Variants in SV2B observed in about 807,000 individuals in gnomAD.
SV2B encodes synaptic vesicle glycoprotein 2B, also known as solute carrier family 22 member B2.
A neutral mutation model predicts 73.9 loss-of-function variants in SV2B; 41 were observed. That is an observed-to-expected ratio of 0.56 (90% CI 0.43 to 0.72). The LOEUF (loss-of-function observed/expected upper bound fraction) is 0.72, where lower values mean the gene tolerates loss of function less well. SV2B is among the 30% of genes least tolerant of loss of function. The pLI, the probability that SV2B is intolerant of heterozygous loss-of-function variation, is 0.00. For missense variants in SV2B, 764 were observed against 857.8 expected (o/e 0.89, Z 1.37); for synonymous variants, 314 against 314.2 (o/e 1.00, Z 0.01).
intron 1 of SV2B, among the ~76,000 whole-genome samples, chr15:91,184,714 C>T (rs1302515984): frequency 6.6e-6 from 1 of 152,170 alleles, no homozygotes; most frequent in Non-Finnish European, 1.5e-5. Flanking sequence ...TTCATTTTAT[C>T]ATTGGCATTT....
rs139054791 is a variant in SV2B, at chr15:91,137,609, T to TATATATATTTCATATATAC, written c.-392+37253_-392+37271dup. ...ATTTCTCATATATATATATATTTCA[T>TATATATATTTCATATATAC]ATATATATTTCATATATACATATAT... On this transcript the variant is annotated intron_variant, in intron 1 of 12. Coordinates refer to ENST00000394232, the MANE Select transcript of SV2B (RefSeq NM_001323032.3). This position sits in a 1 kb window ranked among gnomAD's most constrained non-coding sequence, Gnocchi z 4.9. Among the ~76,000 whole-genome samples the TATATATATTTCATATATAC allele has an allele frequency of 0.5, 68,937 of 137,748 alleles. 18,756 individuals are homozygous for TATATATATTTCATATATAC. Among genetic ancestry groups the TATATATATTTCATATATAC allele is most frequent in the East Asian group, 0.91 (4,495 of 4,924 alleles). The allele number at this position is 137,748 out of a possible 152,430, so 90.4% of individuals were successfully genotyped here. A position where few individuals can be genotyped will look rare whatever the true frequency, so the allele number is the denominator to read the frequency against.
At chr15:91,221,923 C>T (rs575504477) in intron 1 of SV2B, among the ~76,000 whole-genome samples, 39 of 152,244 alleles carry the variant, frequency 2.6e-4, no homozygotes, top group Non-Finnish European at 5.3e-4. Context: ...TCAGACTTGA[C>T]TTCTGTTTCC....
intron 1 of SV2B, among the ~76,000 whole-genome samples, chr15:91,135,598 A>G (rs534146942): frequency 1.3e-5 from 2 of 152,342 alleles, no homozygotes; most frequent in South Asian, 4.1e-4. Flanking sequence ...AATGTAAAAC[A>G]GCGTCTGTCT....
At chr15:91,191,240 A>G (rs1255937744) in intron 1 of SV2B, among the ~76,000 whole-genome samples, 1 of 150,900 alleles carries the variant, frequency 6.6e-6, no homozygotes, top group African/African-American at 2.4e-5. Flanking sequence ...TAATTTTTGT[A>G]TTTTTAGTTT....
chr15:91,214,793 G>C lies in SV2B; in HGVS notation c.-391-11080G>C, dbSNP rs565721254. ...TTCCCCAAACAGTTGTGGGGGGTGT[G>C]CTTGACTCCTTAGTCCATGGCTATA... On this transcript the variant is annotated intron_variant, in intron 1 of 12. Coordinates refer to ENST00000394232, the MANE Select transcript of SV2B (RefSeq NM_001323032.3). This position sits in a 1 kb window ranked among gnomAD's most constrained non-coding sequence, Gnocchi z 4.7. Among the ~76,000 whole-genome samples, 66 of 152,336 alleles carry C rather than the reference G, an allele frequency of 4.3e-4. No individual in the cohort carries two copies. The highest frequency in any genetic ancestry group is 3.4e-3 in the Middle Eastern group (1 of 294).
chr15:91,107,871 A>C (rs979730031), intron 1 of SV2B, among the ~76,000 whole-genome samples: 1 of 152,154 alleles, frequency 6.6e-6, no homozygotes, highest in African/African-American at 2.4e-5. Context: ...TTAGTCCCCA[A>C]AGTGGTGGGA....
At position 91,110,714 on chromosome 15, in the gene SV2B, C is replaced by T. The variant is rs573036032; in HGVS notation, c.-392+10351C>T. ...GGGGCTGGAAAGGTCATGGGAATGTCGGGAGCCTCTGCCCTTGACCCTGGA... is the reference window on the plus strand; with the variant it reads ...GGGGCTGGAAAGGTCATGGGAATGTTGGGAGCCTCTGCCCTTGACCCTGGA... On this transcript the variant is annotated intron_variant, in intron 1 of 12. Transcript: ENST00000394232. This position sits in a 1 kb window ranked among gnomAD's most constrained non-coding sequence, Gnocchi z 5.4. 5.8e-4 allele frequency among the ~76,000 whole-genome samples: 89 copies of T among 152,274 alleles called. No individual in the cohort carries two copies. The South Asian group carries it at 0.015, about 25-fold the overall frequency.
intron 1 of SV2B, among the ~76,000 whole-genome samples, chr15:91,171,698 G>A (rs115669240): frequency 0.01 from 1,548 of 152,198 alleles, 30 homozygotes; most frequent in African/African-American, 0.033. Flanking sequence ...TTTATTGATC[G>A]GCAACAATCG....
Position 91,142,870 on chromosome 15 carries a change from A to G in SV2B, c.-392+42507A>G, listed in dbSNP as rs147961693. Among the ~76,000 whole-genome samples the G allele has an allele frequency of 5.6e-3, 856 of 152,382 alleles. 6 individuals are homozygous for G. The highest frequency in any genetic ancestry group is 0.019 in the African/African-American group (771 of 41,596). The stretch of plus-strand genomic sequence containing the variant: ...TCAACACTTATTTGAATTTAATTCA[A>G]CAAGAAAATCATTTTTTATAAAAAT... On this transcript the variant is annotated intron_variant, in intron 1 of 12. Transcript: ENST00000394232.
rs1203319836 is a variant in SV2B, at chr15:91,132,301, G to C, written c.-392+31938G>C. On this transcript the variant is annotated intron_variant, in intron 1 of 12. Transcript: ENST00000394232. The surrounding 1 kb of genome is among the most constrained non-coding windows in gnomAD (Gnocchi z 4.6). ...TAGCCCACAATCAGTCTGATTGGTT[G>C]CAGAAAGCAGCCAACCAGAGGCTGA... Among the ~76,000 whole-genome samples, 1 of 152,196 alleles carries C rather than the reference G, an allele frequency of 6.6e-6. No individual in the cohort carries two copies. Among genetic ancestry groups the C allele is most frequent in the East Asian group, 1.9e-4 (1 of 5,180 alleles).
Position 91,110,446 on chromosome 15 carries a change from G to A in SV2B, c.-392+10083G>A, listed in dbSNP as rs1217465512. 1.3e-5 allele frequency among the ~76,000 whole-genome samples: 2 copies of A among 152,188 alleles called. No homozygotes were observed. The highest frequency in any genetic ancestry group is 2.9e-5 in the Non-Finnish European group (2 of 68,030). On this transcript the variant is annotated intron_variant, in intron 1 of 12. Transcript: ENST00000394232. This position sits in a 1 kb window ranked among gnomAD's most constrained non-coding sequence, Gnocchi z 5.4. ...GGCCCCTCAACAGCCTCCTCTGATTGCTCAATCCTCTGGGATTTTCCCTGC... is the reference window on the plus strand; with the variant it reads ...GGCCCCTCAACAGCCTCCTCTGATTACTCAATCCTCTGGGATTTTCCCTGC...
At chr15:91,178,085 G>C (rs1260479926) in intron 1 of SV2B, among the ~76,000 whole-genome samples, 2 of 151,924 alleles carry the variant, frequency 1.3e-5, no homozygotes, top group Non-Finnish European at 2.9e-5. Flanking sequence ...CTAATTTATT[G>C]AGAGTTTTTA....
At chr15:91,171,055 CT>C (rs1297304420) in intron 1 of SV2B, among the ~76,000 whole-genome samples, 1 of 152,168 alleles carries the variant, frequency 6.6e-6, no homozygotes, top group African/African-American at 2.4e-5. Context: ...GAGGTGAAGT[CT>C]TGACGTCACA....
chr15:91,287,467 T>G (rs887754959), intron 11 of SV2B, among the ~76,000 whole-genome samples: 18 of 152,186 alleles, frequency 1.2e-4, no homozygotes, highest in African/African-American at 4.1e-4. Context: ...GTCTGCAACC[T>G]GTTTTGCCAT....
At chr15:91,248,268 C>A (rs2047330508) in intron 2 of SV2B, among the ~76,000 whole-genome samples, 1 of 152,120 alleles carries the variant, frequency 6.6e-6, no homozygotes, top group South Asian at 2.1e-4. Flanking sequence ...TTGCAGTGAG[C>A]CGAGATCGTG....
Position 91,130,548 on chromosome 15 carries a change from A to C in SV2B, c.-392+30185A>C, listed in dbSNP as rs546032577. ...CAGCTGCATTTGGGGAGGAAGGAGA[A>C]GAGTCAGGAGAAAGCTGGTGTCAGA... is the stretch of plus-strand genomic sequence containing the variant. On this transcript the variant is annotated intron_variant, in intron 1 of 12. Transcript: ENST00000394232. This position sits in a 1 kb window ranked among gnomAD's most constrained non-coding sequence, Gnocchi z 5.6. Among the ~76,000 whole-genome samples the C allele has an allele frequency of 6.6e-6, 1 of 152,252 alleles. No homozygotes were observed. The highest frequency in any genetic ancestry group is 2.4e-5 in the African/African-American group (1 of 41,542).
intron 1 of SV2B, among the ~76,000 whole-genome samples, chr15:91,155,680 TA>T (rs1225406258): frequency 6.6e-6 from 1 of 152,126 alleles, no homozygotes; most frequent in African/African-American, 2.4e-5. Flanking sequence ...GAGGATGCCC[TA>T]CTCCCTCACA....
rs376979688 is a variant in SV2B, at chr15:91,226,298, G to T, written c.35G>T (p.Gly12Val). ...TACAAGTATCAGGACAATTATGGGG[G>T]CTATGCTCCCAGTGATGGCTATTAC... ...DDYKYQDNYG[G>V]YAPSDGYYRG... is the part of the protein sequence containing the mutation. Residue 12 changes from glycine (G) to valine (V), a missense_variant, in exon 2 of 13, where the codon GGC (glycine) becomes GTC (valine). Transcript: ENST00000394232. The T allele has an allele frequency of 6.2e-7, 1 of 1,614,028 alleles. No individual in the cohort carries two copies. The highest frequency in any genetic ancestry group is 1.3e-5 in the African/African-American group (1 of 74,916).
chr15:91,173,269 G>A (rs1001039669), intron 1 of SV2B, among the ~76,000 whole-genome samples: 3 of 152,158 alleles, frequency 2.0e-5, no homozygotes, highest in Admixed American at 2.0e-4. Context: ...CTGGAGTAGA[G>A]GAGGGCAAGG....
Sources: gnomAD v4.1 joint callset for allele counts (sites outside exome capture counted in the v4.1 genomes callset) on GRCh38, gnomAD v4.1.1 for gene constraint, Gnocchi (gnomAD v3.1) non-coding constraint, MANE v1.5 for transcripts, NCBI Gene and HGNC (gene_info 2026-07-23, HGNC 2026-07-21) for gene names.